ASIC2: variants seen among roughly 807,000 people sequenced by gnomAD.
ASIC2 encodes the protein acid-sensing ion channel 2.
ASIC2 carries 25 observed loss-of-function variants against 57.3 expected under a neutral mutation model. That is an observed-to-expected ratio of 0.44 (90% confidence interval 0.32 to 0.61). The LOEUF is 0.61. ASIC2 is among the 20% of genes least tolerant of loss of function. The pLI, the probability that ASIC2 is intolerant of heterozygous loss-of-function variation, is 0.06. For missense variants in ASIC2, 641 were observed against 738.1 expected, an observed-to-expected ratio of 0.87 and a Z score of 1.52; for synonymous variants, 319 against 307.5, an observed-to-expected ratio of 1.04 and a Z score of -0.39.
At chr17:33,343,242 A>G (rs1021361772) in intron 1 of ASIC2, among the ~76,000 whole-genome samples, 1 of 152,182 alleles carries the variant, frequency 6.6e-6, no homozygotes, top group Non-Finnish European at 1.5e-5. Context: ...GACCAGGCTG[A>G]CCTAAAAGGC....
At chr17:33,772,180 G>C (rs979547749) in intron 1 of ASIC2, among the ~76,000 whole-genome samples, 3 of 152,116 alleles carry the variant, frequency 2.0e-5, no homozygotes, top group African/African-American at 7.2e-5. Flanking sequence ...ATAAATAAAT[G>C]ATCTAACTGC....
chr17:33,596,338 C>A (rs1315761094), intron 1 of ASIC2, among the ~76,000 whole-genome samples: 1 of 152,158 alleles, frequency 6.6e-6, no homozygotes, highest in Non-Finnish European at 1.5e-5. Flanking sequence ...TTTAAACTCC[C>A]AGGAAAATGA....
chr17:33,789,980 A>C (rs1911720158), intron 1 of ASIC2, among the ~76,000 whole-genome samples: 1 of 152,210 alleles, frequency 6.6e-6, no homozygotes. Context: ...ACAAAGTGGG[A>C]AATGTACTGA....
intron 1 of ASIC2, among the ~76,000 whole-genome samples, chr17:33,414,109 A>G (rs1910755438): frequency 2.0e-5 from 3 of 151,932 alleles, no homozygotes; most frequent in Admixed American, 2.0e-4. Flanking sequence ...CTCTTGTCCC[A>G]CCCCTGCGAG....
At chr17:33,465,432 GCATGATCTTGGCT>G (rs1363192992) in intron 1 of ASIC2, among the ~76,000 whole-genome samples, 1 of 146,034 alleles carries the variant, frequency 6.8e-6, no homozygotes, top group Non-Finnish European at 1.5e-5. Flanking sequence ...GAGTACAGTG[GCATGATCTTGGCT>G]CACTACAACC....
chr17:33,527,575 A>G (rs1914922463), intron 1 of ASIC2, among the ~76,000 whole-genome samples: 1 of 152,122 alleles, frequency 6.6e-6, no homozygotes, highest in Non-Finnish European at 1.5e-5. Context: ...TACTTGGAAA[A>G]ACTGAATCAA....
intron 1 of ASIC2, among the ~76,000 whole-genome samples, chr17:33,316,168 A>G (rs1177624712): frequency 6.6e-6 from 1 of 152,200 alleles, no homozygotes; most frequent in African/African-American, 2.4e-5. Flanking sequence ...ATTTACTTTC[A>G]GCCTTACTAT....
At chr17:33,530,901 C>T (rs1214900000) in intron 1 of ASIC2, among the ~76,000 whole-genome samples, 11 of 152,150 alleles carry the variant, frequency 7.2e-5, no homozygotes, top group Non-Finnish European at 1.6e-4. Flanking sequence ...CTTTTCTGTA[C>T]ATTGTTCCAT....
At chr17:33,261,859 G>A (rs756130075) in intron 1 of ASIC2, among the ~76,000 whole-genome samples, 3 of 152,100 alleles carry the variant, frequency 2.0e-5, no homozygotes, top group Non-Finnish European at 2.9e-5. Context: ...CTCCAGAGGC[G>A]TCTCCTATCC....
chr17:33,834,462 G>T (rs1221987485), intron 1 of ASIC2: 1 of 152,216 alleles, frequency 6.6e-6, no homozygotes, highest in African/African-American at 2.4e-5. Context: ...GTAATAGATA[G>T]TTTTTGTCTC....
chr17:33,420,287 C>T (rs1303029264), intron 1 of ASIC2, among the ~76,000 whole-genome samples: 1 of 152,096 alleles, frequency 6.6e-6, no homozygotes, highest in East Asian at 1.9e-4. Context: ...AATGTACTGT[C>T]CAGATGGAGA....
intron 1 of ASIC2, among the ~76,000 whole-genome samples, chr17:33,568,181 G>C (rs968372221): frequency 2.6e-5 from 4 of 152,176 alleles, no homozygotes; most frequent in African/African-American, 9.7e-5. Context: ...CCTCCAGTTA[G>C]AGACTTGTGC....
intron 1 of ASIC2, among the ~76,000 whole-genome samples, chr17:33,491,001 T>G (rs1324621844): frequency 6.6e-6 from 1 of 152,168 alleles, no homozygotes; most frequent in East Asian, 1.9e-4. Flanking sequence ...ACCTTTCTGC[T>G]CAGTTCACTG....
At chr17:33,846,967 T>G (rs1479854444) in intron 1 of ASIC2, among the ~76,000 whole-genome samples, 4 of 151,462 alleles carry the variant, frequency 2.6e-5, no homozygotes, top group Non-Finnish European at 5.9e-5. Flanking sequence ...CCTCTTATCC[T>G]GTACAATTCC....
chr17:33,946,573 T>C (rs544616021), intron 1 of ASIC2, among the ~76,000 whole-genome samples: 1 of 152,290 alleles, frequency 6.6e-6, no homozygotes, highest in South Asian at 2.1e-4. Flanking sequence ...TGTGACTTCA[T>C]ATAGAAATGA....
At chr17:33,164,628 A>G (rs1905256558) in intron 1 of ASIC2, among the ~76,000 whole-genome samples, 1 of 152,132 alleles carries the variant, frequency 6.6e-6, no homozygotes, top group Non-Finnish European at 1.5e-5. Flanking sequence ...TTATGCACGC[A>G]TGCAAACACG....
intron 1 of ASIC2, among the ~76,000 whole-genome samples, chr17:33,566,988 C>T (rs1916254412): frequency 6.6e-6 from 1 of 152,170 alleles, no homozygotes; most frequent in Non-Finnish European, 1.5e-5. Context: ...TCTTCCAGAA[C>T]CCAGCTCCTG....
At chr17:34,007,609 T>C (rs1906569238) in intron 1 of ASIC2, among the ~76,000 whole-genome samples, 1 of 152,206 alleles carries the variant, frequency 6.6e-6, no homozygotes, top group Non-Finnish European at 1.5e-5. Flanking sequence ...TCACATGGAA[T>C]GCATGGCAGA....
chr17:33,479,108 C>T (rs1035513398), intron 1 of ASIC2, among the ~76,000 whole-genome samples: 5 of 152,222 alleles, frequency 3.3e-5, no homozygotes, highest in African/African-American at 1.2e-4. Flanking sequence ...AAGCGATTCT[C>T]CTGCCTCAGC....
Sources: allele counts gnomAD v4.1 joint callset (sites outside exome capture counted in the v4.1 genomes callset), GRCh38; gene constraint gnomAD v4.1.1; transcripts MANE v1.5; gene names NCBI Gene and HGNC (gene_info 2026-07-23, HGNC 2026-07-21).